The following PIGL variants were observed in gnomAD, a reference collection of about 807,000 sequenced individuals.
PIGL encodes the protein N-acetylglucosaminyl-phosphatidylinositol de-N-acetylase.
Under a neutral mutation model 31.1 loss-of-function variants are expected in PIGL, and 22 were observed. That is an observed-to-expected ratio of 0.71 (90% CI 0.51 to 1.01). The LOEUF is 1.01. Ranked by LOEUF, PIGL falls within the 50% of genes least tolerant of loss-of-function variation. The probability of loss-of-function intolerance (pLI) is 0.00; values close to 1 mark genes in which losing one functional copy is unlikely to be tolerated. For synonymous variants in PIGL, 131 were observed against 117.4 expected (o/e 1.12, Z -0.75); for missense variants, 302 against 315.9 (o/e 0.96, Z 0.33).
At chr17:16,269,321 T>C (rs1254705698) in intron 2 of PIGL, among the ~76,000 whole-genome samples, 4 of 152,168 alleles carry the variant, frequency 2.6e-5, no homozygotes, top group Admixed American at 6.6e-5. Flanking sequence ...TTGTAAAATA[T>C]AGAGGTTGAT....
At chr17:16,266,911 G>T (rs987150144) in intron 2 of PIGL, among the ~76,000 whole-genome samples, 6 of 147,636 alleles carry the variant, frequency 4.1e-5, no homozygotes, top group Middle Eastern at 6.8e-3. Context: ...TTTTTTGGGG[G>T]GGGGGGGGTT....
At chr17:16,267,917 T>A (rs1376790405) in intron 2 of PIGL, among the ~76,000 whole-genome samples, 1 of 152,198 alleles carries the variant, frequency 6.6e-6, no homozygotes, top group Middle Eastern at 3.4e-3. Flanking sequence ...GGCTCTGCTC[T>A]ACTTAACTCT....
At chr17:16,240,241 A>G (rs1451842509) in intron 2 of PIGL, among the ~76,000 whole-genome samples, 1 of 152,030 alleles carries the variant, frequency 6.6e-6, no homozygotes, top group African/African-American at 2.4e-5. Context: ...CATGATTGGA[A>G]GCTTCCTGAG....
chr17:16,305,530 G>C (rs1407103225), intron 3 of PIGL, among the ~76,000 whole-genome samples: 2 of 152,218 alleles, frequency 1.3e-5, no homozygotes, highest in Admixed American at 1.3e-4. Context: ...AGTTCAGAGA[G>C]CTGAATACAA....
At position 16,217,350 on chromosome 17, in the gene PIGL, C is replaced by T; in HGVS notation, c.124C>T (p.Arg42Trp). The change falls in exon 1 of 7, where the codon CGG becomes TGG. Residue 42 changes from arginine to tryptophan, a missense_variant. By Grantham distance (101) the Arg-to-Trp change is moderately radical. Transcript: ENST00000225609. ...GGGAGGACGGCTGGGAGCCGAAAGCCGGACCCTGCTGGTCATAGCGCACCC... is the reference window on the plus strand; with the variant it reads ...GGGAGGACGGCTGGGAGCCGAAAGCTGGACCCTGCTGGTCATAGCGCACCC... ...EQGGRLGAESRTLLVIAHPDD... is the reference protein window; with the variant it reads ...EQGGRLGAESWTLLVIAHPDD... 4.3e-6 allele frequency: 7 copies of T among 1,614,186 alleles called. No individual in the cohort carries two copies. Among genetic ancestry groups the T allele is most frequent in the Non-Finnish European group, 5.1e-6 (6 of 1,180,036 alleles).
At chr17:16,254,055 A>C (rs1000928127) in intron 2 of PIGL, among the ~76,000 whole-genome samples, 1 of 151,988 alleles carries the variant, frequency 6.6e-6, no homozygotes, top group African/African-American at 2.4e-5. Context: ...TAATGCATCC[A>C]CACCTTTGCA....
chr17:16,316,894 G>A (rs1026393892), intron 5 of PIGL, 182 bp downstream of exon 5: 2 of 1,380,286 alleles, frequency 1.4e-6, no homozygotes, highest in Non-Finnish European at 1.9e-6. Flanking sequence ...ACCAGCAAGT[G>A]CCTGCCTGCA....
chr17:16,274,067 T>C (rs867118067), intron 2 of PIGL, among the ~76,000 whole-genome samples: 11 of 152,208 alleles, frequency 7.2e-5, no homozygotes, highest in Admixed American at 2.0e-4. Flanking sequence ...TCAGGGCTTC[T>C]AGAGTCTACT....
At chr17:16,315,704 CTTTCTTTTT>C (rs1243715163) in intron 4 of PIGL, among the ~76,000 whole-genome samples, 117 of 75,394 alleles carry the variant, frequency 1.6e-3, no homozygotes, top group African/African-American at 5.6e-3. Flanking sequence ...TTCTTTCTTT[CTTTCTTTTT>C]TTTTTTTTTT....
chr17:16,295,430 T>C (rs1291605741), intron 2 of PIGL, among the ~76,000 whole-genome samples: 1 of 149,040 alleles, frequency 6.7e-6, no homozygotes, highest in African/African-American at 2.5e-5. Flanking sequence ...TATATATATA[T>C]ATGTATGTAA....
At chr17:16,318,157 C>T (rs2093086561) in intron 6 of PIGL, among the ~76,000 whole-genome samples, 1 of 151,972 alleles carries the variant, frequency 6.6e-6, no homozygotes, top group South Asian at 2.1e-4. Flanking sequence ...ATGCTCATTG[C>T]AGAAAATCTT....
intron 6 of PIGL, among the ~76,000 whole-genome samples, chr17:16,320,297 GGGGAA>G (rs1568848167): frequency 1.6e-5 from 2 of 127,164 alleles, no homozygotes; most frequent in Admixed American, 7.9e-5. Context: ...GAGGGAGGAA[GGGGAA>G]GGGAAGGGAA....
At chr17:16,285,483 G>C (rs140398189) in intron 2 of PIGL, among the ~76,000 whole-genome samples, 34 of 152,288 alleles carry the variant, frequency 2.2e-4, no homozygotes, top group African/African-American at 7.9e-4. Flanking sequence ...TACTGGGGAT[G>C]CTGAAGCAGG....
chr17:16,320,362 AAGAG>A (rs536146151), intron 6 of PIGL, among the ~76,000 whole-genome samples: 2 of 136,450 alleles, frequency 1.5e-5, no homozygotes, highest in African/African-American at 2.8e-5. Context: ...AGAAGGAAGG[AAGAG>A]AGAGAGGAAA....
intron 3 of PIGL, among the ~76,000 whole-genome samples, chr17:16,300,898 A>G (rs1462187271): frequency 2.0e-5 from 3 of 152,182 alleles, no homozygotes; most frequent in East Asian, 3.9e-4. Flanking sequence ...ATTTACTGCA[A>G]TGGTGGACAA....
At chr17:16,283,267 T>G (rs2092924106) in intron 2 of PIGL, among the ~76,000 whole-genome samples, 1 of 152,084 alleles carries the variant, frequency 6.6e-6, no homozygotes, top group South Asian at 2.1e-4. Context: ...CCTCCCAAAG[T>G]GCTGGGATTA....
intron 1 of PIGL, among the ~76,000 whole-genome samples, chr17:16,229,581 A>G (rs866661707): frequency 8.0e-5 from 12 of 149,460 alleles, no homozygotes; most frequent in African/African-American, 3.0e-4. Flanking sequence ...CAGCAACTGT[A>G]CAGTTTTACG....
chr17:16,249,873 T>C (rs1200619723), intron 2 of PIGL, among the ~76,000 whole-genome samples: 1 of 152,206 alleles, frequency 6.6e-6, no homozygotes, highest in Non-Finnish European at 1.5e-5. Context: ...AACCCCCTCA[T>C]AAAAATGCCC....
At chr17:16,300,536 C>G (rs1266320628) in intron 3 of PIGL, among the ~76,000 whole-genome samples, 1 of 152,036 alleles carries the variant, frequency 6.6e-6, no homozygotes, top group African/African-American at 2.4e-5. Context: ...CAAAAATTAG[C>G]CGGGCGTGGT....
Sources: gnomAD v4.1 joint callset for allele counts (sites outside exome capture counted in the v4.1 genomes callset) on GRCh38, gnomAD v4.1.1 for gene constraint, MANE v1.5 for transcripts, NCBI Gene and HGNC (gene_info 2026-07-23, HGNC 2026-07-21) for gene names.